RFC1: variants seen among roughly 807,000 people sequenced by gnomAD.
RFC1 encodes the protein A1 140 kDa subunit.
RFC1 carries 37 observed loss-of-function variants against 137.4 expected under a neutral mutation model. The ratio of observed to expected loss-of-function variants is 0.27; its 90% CI spans 0.21 to 0.35. The LOEUF is 0.35. Ranked by LOEUF, RFC1 falls within the 10% of genes least tolerant of loss-of-function variation. The probability of loss-of-function intolerance (pLI) is 1.00; values close to 1 mark genes in which losing one functional copy is unlikely to be tolerated. For synonymous variants in RFC1, 429 were observed against 455.7 expected (o/e 0.94, Z 0.75); for missense variants, 1,205 against 1,358.5 (o/e 0.89, Z 1.78).
intron 4 of RFC1, among the ~76,000 whole-genome samples, chr4:39,334,615 C>T (rs1740264758): frequency 6.6e-6 from 1 of 152,104 alleles, no homozygotes; most frequent in African/African-American, 2.4e-5. Flanking sequence ...GATTCCGCCT[C>T]ATAGGAAGCC....
Position 39,302,722 on chromosome 4 carries a change from T to A in RFC1, c.2340+15A>T, listed in dbSNP as rs922802462. The A allele has an allele frequency of 3.9e-6, 6 of 1,556,610 alleles. No individual in the cohort carries two copies. Among genetic ancestry groups the A allele is most frequent in the Middle Eastern group, 1.7e-4 (1 of 5,788 alleles). ...ATAGGCTAGTGTGATGGAAAAAAAA[T>A]TTCAATCATCATACCTTAATCTGTT... On this transcript the variant is annotated intron_variant, in intron 17 of 24. Transcript: ENST00000349703.
chr4:39,364,671 G>A (rs989912141), intron 1 of RFC1, among the ~76,000 whole-genome samples: 3 of 152,084 alleles, frequency 2.0e-5, no homozygotes, highest in Non-Finnish European at 4.4e-5. Flanking sequence ...TAGATCACTG[G>A]TAGCTGTGTA....
Position 39,295,622 on chromosome 4 carries a change from CAT to C in RFC1, c.2944_2945del (p.Met982GlufsTer53), listed in dbSNP as rs1423283905. On this transcript the variant is annotated frameshift_variant, in exon 22 of 25. Coordinates refer to ENST00000349703, the MANE Select transcript of RFC1 (RefSeq NM_002913.5). LOFTEE classifies it high-confidence loss of function. ...AGAGTAATCCCACCTACCTGAGACT[CAT>C]ATGCAAGGCCAGGTCCTGAACAATA... is the stretch of plus-strand genomic sequence containing the variant. Reference protein sequence around the residue: ...DRIVQDLALHMSLRTYSSKRT... With the variant: ...DRIVQDLALHXSLRTYSSKRT... The C allele has an allele frequency of 6.2e-7, 1 of 1,607,600 alleles. No homozygotes were observed. Among genetic ancestry groups the C allele is most frequent in the Non-Finnish European group, 8.5e-7 (1 of 1,176,790 alleles).
chr4:39,310,737 C>T (rs1458551857), intron 12 of RFC1, among the ~76,000 whole-genome samples: 1 of 152,192 alleles, frequency 6.6e-6, no homozygotes, highest in Non-Finnish European at 1.5e-5. Context: ...TAGGTGTCTG[C>T]ACAATTTAAA....
intron 10 of RFC1, among the ~76,000 whole-genome samples, chr4:39,315,645 A>G (rs1739202746): frequency 6.6e-6 from 1 of 152,142 alleles, no homozygotes; most frequent in Non-Finnish European, 1.5e-5. Flanking sequence ...CCTGCCACCA[A>G]TCGCATGATC....
rs1738403578 is a variant in RFC1, at chr4:39,302,349, C to T, written c.2464G>A (p.Ala822Thr). The change falls in exon 19 of 25, where the codon GCA becomes ACA. Residue 822 changes from alanine (A) to threonine (T), a missense_variant. Ala to Thr is a moderately conservative substitution (Grantham distance 58). Coordinates refer to ENST00000349703, the MANE Select transcript of RFC1 (RefSeq NM_002913.5). The part of the protein sequence containing the change: ...QVLHNLSMWC[A>T]RSKALTYDQA... ...TCATAGGTTAATGCTTTACTTCGTGCACACCACATACTCAGATTATGTAAA... is the reference window on the plus strand; with the variant it reads ...TCATAGGTTAATGCTTTACTTCGTGTACACCACATACTCAGATTATGTAAA... The T allele has an allele frequency of 6.2e-7, 1 of 1,612,838 alleles. No homozygotes were observed. The highest frequency in any genetic ancestry group is 1.3e-5 in the African/African-American group (1 of 74,902).
At chr4:39,353,556 C>T (rs2109763102) in intron 1 of RFC1, among the ~76,000 whole-genome samples, 2 of 152,182 alleles carry the variant, frequency 1.3e-5, no homozygotes, top group East Asian at 1.9e-4. Context: ...GAAACTGAGA[C>T]ATCTGTATCA....
intron 24 of RFC1, 82 bp from the exon 25 acceptor site, chr4:39,288,926 T>A: frequency 1.1e-6 from 1 of 876,390 alleles, no homozygotes; most frequent in East Asian, 2.4e-5. Flanking sequence ...ACAAATCTAA[T>A]CTTTACCTGC....
intron 8 of RFC1, among the ~76,000 whole-genome samples, 169 bp from the exon 9 acceptor site, chr4:39,320,838 T>C (rs1348536638): frequency 6.6e-6 from 1 of 152,182 alleles, no homozygotes; most frequent in Non-Finnish European, 1.5e-5. Flanking sequence ...ATACATTTAC[T>C]TATAGGACTA....
At chr4:39,355,136 C>CACACACACAA (rs1383123973) in intron 1 of RFC1, among the ~76,000 whole-genome samples, 1 of 131,420 alleles carries the variant, frequency 7.6e-6, no homozygotes, top group Non-Finnish European at 1.6e-5. Context: ...CACACACACA[C>CACACACACAA]AACAGGCCAG....
intron 21 of RFC1, among the ~76,000 whole-genome samples, chr4:39,298,307 CA>C (rs55727769): frequency 9.9e-5 from 11 of 111,210 alleles, no homozygotes; most frequent in African/African-American, 3.2e-4. Flanking sequence ...GACCTTGTCT[CA>C]AAAAAAAAAA....
chr4:39,353,397 C>CAAAAAAAAAAAAAAAAAA (rs11416030), intron 1 of RFC1, among the ~76,000 whole-genome samples: 22 of 63,504 alleles, frequency 3.5e-4, no homozygotes, highest in East Asian at 1.5e-3. Flanking sequence ...GAGACTGTCT[C>CAAAAAAAAAAAAAAAAAA]AAAAAAAAAA....
intron 9 of RFC1, among the ~76,000 whole-genome samples, chr4:39,320,170 A>T (rs1460547097): frequency 2.0e-5 from 3 of 151,870 alleles, no homozygotes; most frequent in Non-Finnish European, 4.4e-5. Context: ...ACCAACATGG[A>T]GAAACCCCGT....
intron 12 of RFC1, among the ~76,000 whole-genome samples, chr4:39,309,781 C>T (rs1738876946): frequency 6.6e-6 from 1 of 152,186 alleles, no homozygotes. Context: ...CTAAAAACCA[C>T]TGATTTGTAT....
chr4:39,344,312 T>G (rs1030769973), intron 3 of RFC1, among the ~76,000 whole-genome samples: 3 of 152,190 alleles, frequency 2.0e-5, no homozygotes, highest in African/African-American at 7.2e-5. Flanking sequence ...CTTTAAATTG[T>G]GTTTATTCCT....
In RFC1 at chr4:39,327,521, T is replaced by TA. The variant is rs1409145545; in HGVS notation, c.564+2dup. 11 of 1,598,552 alleles carry TA rather than the reference T, an allele frequency of 6.9e-6. No homozygotes were observed. The highest frequency in any genetic ancestry group is 9.4e-6 in the Non-Finnish European group (11 of 1,169,772). On this transcript the variant is annotated splice_region_variant and intron_variant, in intron 5 of 24. Coordinates refer to ENST00000349703, the MANE Select transcript of RFC1 (RefSeq NM_002913.5). ...CATACTTGCTTATATGTAGAACACT[T>TA]ACCTCTTTTCTTTTGCTTGCCACCA...
In RFC1 at chr4:39,306,585, C is replaced by T. The variant is rs375037516; in HGVS notation, c.1995+7G>A. 4.8e-5 allele frequency: 73 copies of T among 1,518,272 alleles called. No individual in the cohort carries two copies. The highest frequency in any genetic ancestry group is 1.0e-5 in the Non-Finnish European group (11 of 1,092,620). The allele number at this position is 1,518,272 out of a possible 1,614,324, so 94.1% of individuals were successfully genotyped here. ...TCTGTCCGACCACACTGTGACAACG[C>T]ACCCACCTGACACACCAGGGAAGCT... On this transcript the variant is annotated splice_region_variant and intron_variant, in intron 14 of 24. Coordinates refer to ENST00000349703, the MANE Select transcript of RFC1 (RefSeq NM_002913.5).
intron 19 of RFC1, among the ~76,000 whole-genome samples, chr4:39,301,100 AC>A (rs1393431651): frequency 2.2e-4 from 32 of 146,886 alleles, no homozygotes; most frequent in Admixed American, 3.4e-4. Context: ...AAAAAAAAAA[AC>A]CAAAAAAAAC....
intron 6 of RFC1, 67 bp from the exon 7 acceptor site, chr4:39,323,484 G>T: frequency 7.8e-7 from 1 of 1,287,302 alleles, no homozygotes; most frequent in Non-Finnish European, 1.1e-6. Flanking sequence ...ATTTTTAAAT[G>T]TCTGATTCAT....
Sources: allele counts gnomAD v4.1 joint callset (sites outside exome capture counted in the v4.1 genomes callset), GRCh38; gene constraint gnomAD v4.1.1; transcripts MANE v1.5; gene names NCBI Gene and HGNC (gene_info 2026-07-23, HGNC 2026-07-21).